Variants in MPEG1 observed in about 807,000 individuals in gnomAD.
MPEG1 encodes macrophage-expressed gene 1 protein.
For synonymous variants in MPEG1, 365 were observed against 351.9 expected, an observed-to-expected ratio of 1.04 and a Z score of -0.42; for missense variants, 876 against 880.3, an observed-to-expected ratio of 1.00 and a Z score of 0.06.
In MPEG1 at chr11:59,212,745, G is replaced by A; in HGVS notation, c.121C>T (p.Pro41Ser). The A allele has an allele frequency of 6.2e-7, 1 of 1,614,196 alleles. No homozygotes were observed. The highest frequency in any genetic ancestry group is 8.5e-7 in the Non-Finnish European group (1 of 1,180,046). ...VQKCKNALKL[P>S]VLEVLPGGGW... Reference sequence around the variant, plus strand: ...CCTCCAGGTAGGACTTCCAGGACAGGTAGTTTCAAGGCATTCTTGCATTTT... The same window carrying A: ...CCTCCAGGTAGGACTTCCAGGACAGATAGTTTCAAGGCATTCTTGCATTTT... The change falls in exon 1 of 1, where the codon CCT becomes TCT. Residue 41 changes from proline (P) to serine (S), a missense_variant. Physicochemically the swap from Pro to Ser is moderately conservative, Grantham distance 74 (BLOSUM62 -1). Coordinates refer to ENST00000361050, the MANE Select transcript of MPEG1 (RefSeq NM_001039396.2).
chr11:59,211,613 G>T lies in MPEG1; in HGVS notation c.1253C>A (p.Pro418Gln). The T allele has an allele frequency of 6.2e-7, 1 of 1,614,160 alleles. No homozygotes were observed. The highest frequency in any genetic ancestry group is 8.5e-7 in the Non-Finnish European group (1 of 1,180,006). Residue 418 changes from proline (P) to glutamine (Q), a missense_variant, in exon 1 of 1, where the codon CCG becomes CAG. Pro to Gln is a moderately conservative substitution (Grantham distance 76, BLOSUM62 -1). Coordinates refer to ENST00000361050, the MANE Select transcript of MPEG1 (RefSeq NM_001039396.2). Reference protein sequence around the residue: ...GDFSCPSGYSPVHLLSQIHEE... With the variant: ...GDFSCPSGYSQVHLLSQIHEE... ...GTGGATCTGGGATAACAGGTGCACC[G>T]GGGAGTAGCCAGAGGGGCAGGAGAA...
In MPEG1 at chr11:59,211,769, T is replaced by C. The variant is rs1406426125; in HGVS notation, c.1097A>G (p.Asp366Gly). Residue 366 changes from aspartate to glycine, a missense_variant, in exon 1 of 1, where the codon GAT becomes GGT. Transcript: ENST00000361050. ...GGTCATTTTCCCCTCGCAGGAGCCA[T>C]CATCCGTGTTGGCCTGAAAATTGAA... ...PNFNFQANTD[D>G]GSCEGKMTNF... 2 of 1,614,190 alleles carry C rather than the reference T, an allele frequency of 1.2e-6. No homozygotes were observed. The highest frequency in any genetic ancestry group is 3.3e-5 in the Admixed American group (2 of 60,014).
Position 59,212,602 on chromosome 11 carries a change from G to A in MPEG1, c.264C>T (p.Pro88=), listed in dbSNP as rs988187133. The A allele has an allele frequency of 1.9e-6, 3 of 1,614,190 alleles. No individual in the cohort carries two copies. Among genetic ancestry groups the A allele is most frequent in the Non-Finnish European group, 2.5e-6 (3 of 1,180,036 alleles). ...YIIPDEIFTI[P]QKQSNLEMNS... is the part of the protein sequence containing the mutation. ...TCATCTCCAGGTTGCTCTGTTTCTG[G>A]GGAATGGTGAAGATTTCATCAGGGA... Residue 88 remains proline, a synonymous_variant, in exon 1 of 1, where the codon CCC becomes CCT. Coordinates refer to ENST00000361050, the MANE Select transcript of MPEG1 (RefSeq NM_001039396.2).
At position 59,210,741 on chromosome 11, in the gene MPEG1, G is replaced by GTT; in HGVS notation, c.2124_2125insAA (p.Gln709AsnfsTer26). ...TAAGCTGGACTCTGCCCCTGCTCTT[G>GTT]GTAAGTGGTGTCTCCAGTTGCTGCA... On this transcript the variant is annotated frameshift_variant, in exon 1 of 1. Coordinates refer to ENST00000361050, the MANE Select transcript of MPEG1 (RefSeq NM_001039396.2). LOFTEE classifies it high-confidence loss of function. 6.2e-7 allele frequency: 1 copy of GTT among 1,614,082 alleles called. No individual in the cohort carries two copies. Among genetic ancestry groups the GTT allele is most frequent in the Non-Finnish European group, 8.5e-7 (1 of 1,179,974 alleles).
rs548872466 is a variant in MPEG1, at chr11:59,212,581, C to A, written c.285G>T (p.Glu95Asp). The part of the protein sequence containing the change: ...FTIPQKQSNL[E>D]MNSEILESWA... ...AGGATTCCAGGATTTCTGAGTTCATCTCCAGGTTGCTCTGTTTCTGGGGAA... is the reference window on the plus strand; with the variant it reads ...AGGATTCCAGGATTTCTGAGTTCATATCCAGGTTGCTCTGTTTCTGGGGAA... Residue 95 changes from glutamate to aspartate, a missense_variant, in exon 1 of 1, where the codon GAG becomes GAT. Transcript: ENST00000361050. 1 of 1,614,206 alleles carries A rather than the reference C, an allele frequency of 6.2e-7. No homozygotes were observed. The highest frequency in any genetic ancestry group is 2.2e-5 in the East Asian group (1 of 44,888).
chr11:59,208,824 G>C lies in MPEG1; in HGVS notation c.*1891C>G, dbSNP rs886606712. 2 of 152,226 alleles carry C rather than the reference G, an allele frequency of 1.3e-5. No individual in the cohort carries two copies. The highest frequency in any genetic ancestry group is 4.8e-5 in the African/African-American group (2 of 41,446). The allele number at this position is 152,226 out of a possible 1,614,324, so 9.4% of individuals were successfully genotyped here. On this transcript the variant is annotated 3_prime_UTR_variant, in exon 1 of 1. Coordinates refer to ENST00000361050, the MANE Select transcript of MPEG1 (RefSeq NM_001039396.2). ...TCATATGCATGAGCCGTTGGACAGA[G>C]GGTTTCTTAGTATATACTTTAATGC...
Position 59,211,429 on chromosome 11 carries a change from A to C in MPEG1, c.1437T>G (p.Phe479Leu), listed in dbSNP as rs529892032. ...SQVPENSGLL[F>L]GGLFSSKSIN... is the part of the protein sequence containing the mutation. ...TGCTCTTGCTGCTGAAGAGGCCCCC[A>C]AAAAGCAGTCCTGAGTTTTCAGGTA... Residue 479 changes from phenylalanine (F) to leucine (L), a missense_variant, in exon 1 of 1, where the codon TTT (phenylalanine) becomes TTG (leucine). Transcript: ENST00000361050. 4.3e-6 allele frequency: 7 copies of C among 1,614,044 alleles called. No homozygotes were observed. The highest frequency in any genetic ancestry group is 5.9e-6 in the Non-Finnish European group (7 of 1,180,038).
In MPEG1 at chr11:59,212,246, G is replaced by T. The variant is rs778756165; in HGVS notation, c.620C>A (p.Thr207Asn). The change falls in exon 1 of 1, where the codon ACC becomes AAC. Residue 207 changes from threonine to asparagine, a missense_variant. Transcript: ENST00000361050. The part of the protein sequence containing the change: ...LVLNYGTHVT[T>N]SVDAGAALIQ... Reference sequence around the variant, plus strand: ...AAGAGCAGCCCCAGCGTCGACACTGGTGGTGACGTGGGTGCCATAGTTGAG... The same window carrying T: ...AAGAGCAGCCCCAGCGTCGACACTGTTGGTGACGTGGGTGCCATAGTTGAG... 1.9e-6 allele frequency: 3 copies of T among 1,613,856 alleles called. No homozygotes were observed. The highest frequency in any genetic ancestry group is 2.2e-5 in the South Asian group (2 of 91,078).
At position 59,212,448 on chromosome 11, in the gene MPEG1, G is replaced by A. The variant is rs1312614592; in HGVS notation, c.418C>T (p.Gln140Ter). The A allele has an allele frequency of 6.2e-7, 1 of 1,614,194 alleles. No individual in the cohort carries two copies. Among genetic ancestry groups the A allele is most frequent in the Non-Finnish European group, 8.5e-7 (1 of 1,180,040 alleles). The change falls in exon 1 of 1, where the codon CAA (glutamine) becomes TAA (stop). Residue 140 changes from glutamine (Q) to a stop codon, truncating the protein, a stop_gained. Coordinates refer to ENST00000361050, the MANE Select transcript of MPEG1 (RefSeq NM_001039396.2). LOFTEE classifies it low-confidence loss of function (END_TRUNC). ...GTAGTTATAGCTTGGTCCTTCACTT[G>A]GAGGGTCTTCATCCTCTGGAACTCA... ...STEFQRMKTL[Q>*]VKDQAITTRV...
Position 59,211,730 on chromosome 11 carries a change from C to A in MPEG1, c.1136G>T (p.Gly379Val), listed in dbSNP as rs1262674336. 5.0e-6 allele frequency: 8 copies of A among 1,614,186 alleles called. No individual in the cohort carries two copies. Among genetic ancestry groups the A allele is most frequent in the South Asian group, 1.1e-5 (1 of 91,082 alleles). ...CTGAGTGCATTCCTGATAAACCCCA[C>A]CGAAAGAGAAGTTGGTCATTTTCCC... ...CEGKMTNFSF[G>V]GVYQECTQLS... Residue 379 changes from glycine (G) to valine (V), a missense_variant, in exon 1 of 1, where the codon GGT (glycine) becomes GTT (valine). By Grantham distance (109) the Gly-to-Val change is moderately radical. Transcript: ENST00000361050.
Position 59,211,426 on chromosome 11 carries a change from C to T in MPEG1, c.1440G>A (p.Gly480=), listed in dbSNP as rs767541608. The stretch of plus-strand genomic sequence containing the variant: ...TTATGCTCTTGCTGCTGAAGAGGCC[C>T]CCAAAAAGCAGTCCTGAGTTTTCAG... ...QVPENSGLLF[G]GLFSSKSINP... The change falls in exon 1 of 1, where the codon GGG becomes GGA. Residue 480 remains glycine (G), a synonymous_variant. Transcript: ENST00000361050. 2.5e-6 allele frequency: 4 copies of T among 1,614,130 alleles called. No homozygotes were observed. The highest frequency in any genetic ancestry group is 1.1e-5 in the South Asian group (1 of 91,078).
In MPEG1 at chr11:59,209,855, CGTGTGTGTGT is replaced by C. The variant is rs60035424; in HGVS notation, c.*850_*859del. 3,475 of 52,174 alleles carry C rather than the reference CGTGTGTGTGT, an allele frequency of 0.067. 129 individuals are homozygous for C. The highest frequency in any genetic ancestry group is 0.14 in the East Asian group (277 of 1,958). 3.2% of individuals were successfully genotyped at this position (52,174 alleles called of 1,614,324 possible). ...CTTATTGAAATGTGGTATGTGTGTG[CGTGTGTGTGT>C]GTGTGTGTGTGTGTGTGTGTGTGTG... is the stretch of plus-strand genomic sequence containing the variant. On this transcript the variant is annotated 3_prime_UTR_variant, in exon 1 of 1. Transcript: ENST00000361050.
rs373141425 is a variant in MPEG1, at chr11:59,210,955, C to G, written c.1911G>C (p.Glu637Asp). 6.2e-7 allele frequency: 1 copy of G among 1,614,228 alleles called. No homozygotes were observed. ...THQWRLGEPI[E>D]LRRAMNVIHG... ...GGATGACATTCATGGCCCTCCGCAG[C>G]TCTATCGGTTCTCCCAGCCTCCACT... is the stretch of plus-strand genomic sequence containing the variant. Residue 637 changes from glutamate to aspartate, a missense_variant, in exon 1 of 1, where the codon GAG (glutamate) becomes GAC (aspartate). Physicochemically the swap from Glu to Asp is conservative, Grantham distance 45. Transcript: ENST00000361050.
At position 59,210,808 on chromosome 11, in the gene MPEG1, T is replaced by C. The variant is rs1470994816; in HGVS notation, c.2058A>G (p.Ala686=). Residue 686 remains alanine (A), a synonymous_variant, in exon 1 of 1, where the codon GCA becomes GCG. Transcript: ENST00000361050. The part of the protein sequence containing the change: ...IYGTRKFKKK[A]YQAIEERQSL... ...TCTGCCTTTCCTCAATTGCCTGATATGCTTTCTTCTTGAACTTCCGGGTGC... is the reference window on the plus strand; with the variant it reads ...TCTGCCTTTCCTCAATTGCCTGATACGCTTTCTTCTTGAACTTCCGGGTGC... 2 of 1,614,062 alleles carry C rather than the reference T, an allele frequency of 1.2e-6. No homozygotes were observed. The highest frequency in any genetic ancestry group is 8.5e-7 in the Non-Finnish European group (1 of 1,180,046).
At position 59,211,343 on chromosome 11, in the gene MPEG1, T is replaced by C; in HGVS notation, c.1523A>G (p.Glu508Gly). The C allele has an allele frequency of 6.2e-7, 1 of 1,614,162 alleles. No homozygotes were observed. Residue 508 changes from glutamate to glycine, a missense_variant, in exon 1 of 1, where the codon GAA becomes GGA. Coordinates refer to ENST00000361050, the MANE Select transcript of MPEG1 (RefSeq NM_001039396.2). ...CTGAGAAACACATACCTTGAGGTTT[T>C]CAAAGAGTCTCAGTGGAAAGTAGCC... The part of the protein sequence containing the change: ...PAGYFPLRLF[E>G]NLKVCVSQDY...
rs1565225429 is a variant in MPEG1, at chr11:59,211,675, G to C, written c.1191C>G (p.Cys397Trp). ...GTGGATTCTTCTGCTCCAACTTTTG[G>C]CAGAGGAGGACATCCCTATTCCCTG... ...QLSGNRDVLL[C>W]QKLEQKNPLT... The change falls in exon 1 of 1, where the codon TGC becomes TGG. Residue 397 changes from cysteine to tryptophan, a missense_variant. Transcript: ENST00000361050. The C allele has an allele frequency of 1.2e-6, 2 of 1,614,162 alleles. No homozygotes were observed. The highest frequency in any genetic ancestry group is 2.7e-5 in the African/African-American group (2 of 75,042).
In MPEG1 at chr11:59,211,799, G is replaced by GCCT; in HGVS notation, c.1066_1067insAGG (p.Pro356delinsGlnAla). 1 of 1,614,148 alleles carries GCCT rather than the reference G, an allele frequency of 6.2e-7. No homozygotes were observed. Among genetic ancestry groups the GCCT allele is most frequent in the Middle Eastern group, 1.6e-4 (1 of 6,062 alleles). On this transcript the variant is annotated protein_altering_variant, in exon 1 of 1. Coordinates refer to ENST00000361050, the MANE Select transcript of MPEG1 (RefSeq NM_001039396.2). Reference sequence around the variant, plus strand: ...CGTGTTGGCCTGAAAATTGAAGTTGGGAGAATTGAGATCTGTGCAGCCAGG... The same window carrying GCCT: ...CGTGTTGGCCTGAAAATTGAAGTTGGCCTGAGAATTGAGATCTGTGCAGCCAGG...
In MPEG1 at chr11:59,209,648, T is replaced by C. The variant is rs981219889; in HGVS notation, c.*1067A>G. On this transcript the variant is annotated 3_prime_UTR_variant, in exon 1 of 1. Coordinates refer to ENST00000361050, the MANE Select transcript of MPEG1 (RefSeq NM_001039396.2). ...AGTTTGCATAATTGGTGTTAACTAC[T>C]CTGTTTTGATTCTACAGAGTAAGTA... 1 of 152,248 alleles carries C rather than the reference T, an allele frequency of 6.6e-6. No individual in the cohort carries two copies. The highest frequency in any genetic ancestry group is 1.5e-5 in the Non-Finnish European group (1 of 68,050). The allele number at this position is 152,248 out of a possible 1,614,324, so 9.4% of individuals were successfully genotyped here. A position where few individuals can be genotyped will look rare whatever the true frequency, so the allele number is the denominator to read the frequency against.
At position 59,211,082 on chromosome 11, in the gene MPEG1, G is replaced by C. The variant is rs753316355; in HGVS notation, c.1784C>G (p.Pro595Arg). 3.7e-6 allele frequency: 6 copies of C among 1,614,086 alleles called. No homozygotes were observed. The Admixed American group carries it at 8.3e-5, about 22-fold the overall frequency. Residue 595 changes from proline (P) to arginine (R), a missense_variant, in exon 1 of 1, where the codon CCT (proline) becomes CGT (arginine). By Grantham distance (103) the Pro-to-Arg change is moderately radical (BLOSUM62 -2). Coordinates refer to ENST00000361050, the MANE Select transcript of MPEG1 (RefSeq NM_001039396.2). ...ACTCATGAGGGGTGGCCGGGTGAAAGGTGGGAGCCTGGCAGGGGGCAGGGA... is the reference window on the plus strand; with the variant it reads ...ACTCATGAGGGGTGGCCGGGTGAAACGTGGGAGCCTGGCAGGGGGCAGGGA... ...GGSLPPARLP[P>R]FTRPPLMSQA... is the part of the protein sequence containing the mutation.
Sources: allele counts gnomAD v4.1 joint callset, GRCh38; gene constraint gnomAD v4.1.1; transcripts MANE v1.5; gene names NCBI Gene and HGNC (gene_info 2026-07-23, HGNC 2026-07-21).